NDE1: variants seen among roughly 807,000 people sequenced by gnomAD.
The protein encoded by NDE1 is nudE neurodevelopment protein 1.
Under a neutral mutation model 43.4 loss-of-function variants are expected in NDE1, and 28 were observed. The ratio of observed to expected loss-of-function variants is 0.65; its 90% CI spans 0.48 to 0.89. The LOEUF (loss-of-function observed/expected upper bound fraction) is 0.89, where lower values mean the gene tolerates loss of function less well. NDE1 is among the 40% of genes least tolerant of loss of function. The pLI is 0.00. For missense variants in NDE1, 441 were observed against 434.1 expected (o/e 1.02, Z -0.14); for synonymous variants, 184 against 172.0 (o/e 1.07, Z -0.55).
upstream of NDE1, among the ~76,000 whole-genome samples, chr16:15,648,579 G>A (rs1433559435): frequency 6.6e-6 from 1 of 152,116 alleles, no homozygotes; most frequent in East Asian, 1.9e-4. Flanking sequence ...GGGAGACTGA[G>A]GTGTATTGCT....
intron 3 of NDE1, among the ~76,000 whole-genome samples, chr16:15,676,902 GAT>G (rs1001328558): frequency 5.9e-5 from 9 of 152,174 alleles, no homozygotes; most frequent in African/African-American, 2.2e-4. Flanking sequence ...ATACACTGAT[GAT>G]ATGTGTGAAG....
chr16:15,646,328 G>C (rs1480911100), upstream of NDE1, among the ~76,000 whole-genome samples: 1 of 152,194 alleles, frequency 6.6e-6, no homozygotes, highest in Non-Finnish European at 1.5e-5. Flanking sequence ...TGTAATCCCA[G>C]CACTTTGGGA....
In NDE1 at chr16:15,696,856, A is replaced by T; in HGVS notation, c.943A>T (p.Lys315Ter). Residue 315 changes from lysine to a stop codon, truncating the protein, a stop_gained, in exon 8 of 9, where the codon AAG becomes TAG. Coordinates refer to ENST00000396354, the MANE Select transcript of NDE1 (RefSeq NM_017668.3). LOFTEE classifies it high-confidence loss of function. ...PSSTSVPLGDKGLDTSCRWLS... is the reference protein window; with the variant it reads ...PSSTSVPLGD ...CAGCACCAGCGTGCCTTTGGGTGATAAGGGGTCAGTACCTTCTAATAAACC... is the reference window on the plus strand; with the variant it reads ...CAGCACCAGCGTGCCTTTGGGTGATTAGGGGTCAGTACCTTCTAATAAACC... 6.2e-7 allele frequency: 1 copy of T among 1,614,054 alleles called. No homozygotes were observed. The highest frequency in any genetic ancestry group is 8.5e-7 in the Non-Finnish European group (1 of 1,180,008).
chr16:15,688,519 G>T (rs1236545092), intron 5 of NDE1, among the ~76,000 whole-genome samples: 1 of 150,640 alleles, frequency 6.6e-6, no homozygotes, highest in Non-Finnish European at 1.5e-5. Context: ...TGCAATCCCA[G>T]CTGCTCAGGA....
At chr16:15,689,516 A>G (rs527290496) in intron 5 of NDE1, among the ~76,000 whole-genome samples, 1 of 152,308 alleles carries the variant, frequency 6.6e-6, no homozygotes, top group African/African-American at 2.4e-5. Context: ...TTGCCAAGAC[A>G]TACCACTGAA....
chr16:15,679,424 A>AT (rs938587119), intron 4 of NDE1, among the ~76,000 whole-genome samples: 7 of 151,620 alleles, frequency 4.6e-5, no homozygotes, highest in Non-Finnish European at 2.9e-5. Flanking sequence ...TTCCCTAATT[A>AT]TTTTTTTGTC....
At chr16:15,683,307 A>G (rs530256261) in intron 4 of NDE1, 2 of 152,094 alleles carry the variant, frequency 1.3e-5, no homozygotes, top group Non-Finnish European at 2.9e-5. Context: ...CATAGTCACA[A>G]ATTATTGCAA....
Position 15,724,403 on chromosome 16 carries a change from C to G in NDE1, c.*152C>G, listed in dbSNP as rs143467011. On this transcript the variant is annotated 3_prime_UTR_variant, in exon 9 of 9. Coordinates refer to ENST00000396354, the MANE Select transcript of NDE1 (RefSeq NM_017668.3). ...AAGTCCTGCAGCTTCTTCTTCGAGT[C>G]GGAGAGCTACAAGGACAGCGTCCAG... 6.2e-7 allele frequency: 1 copy of G among 1,613,666 alleles called. No homozygotes were observed. The highest frequency in any genetic ancestry group is 1.3e-5 in the African/African-American group (1 of 74,868).
At chr16:15,688,018 A>T (rs2038527667) in intron 5 of NDE1, among the ~76,000 whole-genome samples, 1 of 151,938 alleles carries the variant, frequency 6.6e-6, no homozygotes, top group Non-Finnish European at 1.5e-5. Context: ...TTACAAAAAC[A>T]TTTAAAGATT....
chr16:15,692,219 C>G (rs568193674), intron 6 of NDE1, among the ~76,000 whole-genome samples: 1 of 152,182 alleles, frequency 6.6e-6, no homozygotes, highest in Non-Finnish European at 1.5e-5. Context: ...GATGCAGGTG[C>G]TGTCCCCGTT....
rs756520283 is a variant in NDE1, at chr16:15,694,245, C to G, written c.784C>G (p.Arg262Gly). The G allele has an allele frequency of 1.2e-6, 2 of 1,613,742 alleles. No homozygotes were observed. Among genetic ancestry groups the G allele is most frequent in the South Asian group, 2.2e-5 (2 of 91,022 alleles). ...CCTCAACATTGTGGGAGACCTACTG[C>G]GGAAAGTCGGGGTAAGACCACACTT... ...SALNIVGDLL[R>G]KVGALESKLA... Residue 262 changes from arginine (R) to glycine (G), a missense_variant, in exon 7 of 9, where the codon CGG (arginine) becomes GGG (glycine). Coordinates refer to ENST00000396354, the MANE Select transcript of NDE1 (RefSeq NM_017668.3).
rs777008106 is a variant in NDE1 at position 15,667,416 on chromosome 16, C to A, written c.214C>A (p.Arg72Ser). The A allele has an allele frequency of 3.2e-5, 52 of 1,613,794 alleles. No individual in the cohort carries two copies. The highest frequency in any genetic ancestry group is 4.3e-5 in the Non-Finnish European group (51 of 1,179,876). The change falls in exon 3 of 9, where the codon CGC (arginine) becomes AGC (serine). Residue 72 changes from arginine to serine, a missense_variant. Physicochemically the swap from Arg to Ser is moderately radical, Grantham distance 110 (BLOSUM62 -1). Coordinates refer to ENST00000396354, the MANE Select transcript of NDE1 (RefSeq NM_017668.3). ...RDLLSENNRL[R>S]MELETIKEKF... ...CCTCCTGTCCGAAAATAACCGCCTT[C>A]GCATGGAGCTGGAAACCATCAAGGT...
intron 8 of NDE1, chr16:15,703,197 C>A (rs1382089181): frequency 4.9e-6 from 1 of 204,936 alleles, no homozygotes; most frequent in African/African-American, 2.3e-5. Flanking sequence ...GTAAACAGTG[C>A]AGCATTCCTG....
chr16:15,655,586 C>A (rs1159451428), intron 1 of NDE1, among the ~76,000 whole-genome samples: 1 of 152,124 alleles, frequency 6.6e-6, no homozygotes, highest in Non-Finnish European at 1.5e-5. Context: ...CCTCAGGGAT[C>A]TAGAACTGGA....
rs1422985052 is a variant in NDE1, at chr16:15,725,927, G to C, written c.*1676G>C. On this transcript the variant is annotated 3_prime_UTR_variant, in exon 9 of 9. Coordinates refer to ENST00000396354, the MANE Select transcript of NDE1 (RefSeq NM_017668.3). ...AAAGCCCTACATCATCTGGGTACAA[G>C]CTCCCCCTCCAACCCCACTCTGTAC... The C allele has an allele frequency of 2.7e-6, 1 of 375,046 alleles. No homozygotes were observed. Among genetic ancestry groups the C allele is most frequent in the Admixed American group, 4.6e-5 (1 of 21,816 alleles). 23.2% of individuals were successfully genotyped at this position (375,046 alleles called of 1,614,324 possible).
At chr16:15,650,900 G>C (rs533850489) in intron 1 of NDE1, among the ~76,000 whole-genome samples, 1 of 152,152 alleles carries the variant, frequency 6.6e-6, no homozygotes, top group Non-Finnish European at 1.5e-5. Flanking sequence ...CCGGGAACAC[G>C]TTTGGGGCAG....
chr16:15,685,219 C>T (rs542732546), intron 4 of NDE1, among the ~76,000 whole-genome samples: 4 of 152,038 alleles, frequency 2.6e-5, no homozygotes, highest in Non-Finnish European at 5.9e-5. Context: ...TATTGTACTC[C>T]GAAGTATTAT....
At chr16:15,643,514 G>T (rs2036202077) in exon 1 of NDE1, 2 of 374,598 alleles carry the variant, frequency 5.3e-6, no homozygotes, top group South Asian at 2.0e-5. Context: ...GCTCTTTCAG[G>T]CTTTGGAGGG....
Position 15,725,392 on chromosome 16 carries a change from G to A in NDE1, c.*1141G>A. ...GTCCACTCTCTAAGGCTGGAGAAGG[G>A]AGACCAGGATGGTACTTGAACGTCC... On this transcript the variant is annotated 3_prime_UTR_variant, in exon 9 of 9. Coordinates refer to ENST00000396354, the MANE Select transcript of NDE1 (RefSeq NM_017668.3). The A allele has an allele frequency of 1.9e-6, 1 of 527,358 alleles. No homozygotes were observed. The highest frequency in any genetic ancestry group is 3.3e-6 in the Non-Finnish European group (1 of 302,704). 32.7% of individuals were successfully genotyped at this position (527,358 alleles called of 1,614,324 possible). A position where few individuals can be genotyped will look rare whatever the true frequency, so the allele number is the denominator to read the frequency against.
Sources: allele counts gnomAD v4.1 joint callset (sites outside exome capture counted in the v4.1 genomes callset), GRCh38; gene constraint gnomAD v4.1.1; transcripts MANE v1.5; gene names NCBI Gene and HGNC (gene_info 2026-07-23, HGNC 2026-07-21).